SYNE1: variants seen among roughly 807,000 people sequenced by gnomAD.
SYNE1 encodes nesprin-1.
In SYNE1, 616 loss-of-function variants were observed where a neutral mutation model predicts 1,111.0. The observed-to-expected ratio is 0.55, with a 90% CI of 0.52 to 0.59. The LOEUF is 0.59. SYNE1 is among the 20% of genes least tolerant of loss of function. The probability of loss-of-function intolerance (pLI) is 0.00; values close to 1 mark genes in which losing one functional copy is unlikely to be tolerated. For missense variants in SYNE1, 10,006 were observed against 10,417.0 expected (o/e 0.96, Z 1.72); for synonymous variants, 3,855 against 3,825.8 (o/e 1.01, Z -0.28).
intron 3 of SYNE1, among the ~76,000 whole-genome samples, chr6:152,567,130 C>CT (rs1439708318): frequency 3.9e-5 from 6 of 151,926 alleles, no homozygotes; most frequent in African/African-American, 1.2e-4. Flanking sequence ...ATGCATTTGC[C>CT]TTTTTTTAGA....
intron 95 of SYNE1, 35 bp downstream of exon 95, chr6:152,293,553 A>G (rs1458087808): frequency 6.2e-7 from 1 of 1,613,032 alleles, no homozygotes; most frequent in South Asian, 1.1e-5. Flanking sequence ...GCCTTATTCA[A>G]TCAAGTAGGA....
In SYNE1 at chr6:152,331,132, C is replaced by T. The variant is rs148248006; in HGVS notation, c.13553G>A (p.Arg4518His). ...NEVTGLWAQG[R>H]ELMKEVTEQE... Reference sequence around the variant, plus strand: ...CTCTGTGACTTCCTTCATTAGTTCGCGACCCTGGGCCCAAAGTCCAGTGAC... The same window carrying T: ...CTCTGTGACTTCCTTCATTAGTTCGTGACCCTGGGCCCAAAGTCCAGTGAC... The change falls in exon 78 of 146, where the codon CGC becomes CAC. Residue 4518 changes from arginine (R) to histidine (H), a missense_variant. By Grantham distance (29) the Arg-to-His change is conservative. Coordinates refer to ENST00000367255, the MANE Select transcript of SYNE1 (RefSeq NM_182961.4). 22 of 1,614,090 alleles carry T rather than the reference C, an allele frequency of 1.4e-5. No individual in the cohort carries two copies. In the African/African-American group the frequency reaches 1.5e-4, roughly 11 times the overall value.
chr6:152,399,132 TG>T (rs2097775680), intron 48 of SYNE1, among the ~76,000 whole-genome samples: 1 of 152,212 alleles, frequency 6.6e-6, no homozygotes, highest in Non-Finnish European at 1.5e-5. Flanking sequence ...TGGGGAGTCA[TG>T]GTGGATCCAT....
chr6:152,192,302 T>C (rs559921925), intron 127 of SYNE1, among the ~76,000 whole-genome samples: 71 of 128,778 alleles, frequency 5.5e-4, no homozygotes, highest in Non-Finnish European at 9.6e-4. Context: ...TTTTTTTGTT[T>C]ATTTTCTGTC....
chr6:152,436,512 G>A (rs2098475840), intron 32 of SYNE1, among the ~76,000 whole-genome samples: 1 of 151,976 alleles, frequency 6.6e-6, no homozygotes, highest in African/African-American at 2.4e-5. Flanking sequence ...TGTTGCCCAA[G>A]CTGATCTTGA....
chr6:152,614,986 G>A (rs2099641795), intron 3 of SYNE1, among the ~76,000 whole-genome samples: 1 of 152,162 alleles, frequency 6.6e-6, no homozygotes, highest in Non-Finnish European at 1.5e-5. Context: ...GGGCCTGTCT[G>A]TGGGGGCTGG....
At chr6:152,341,478 G>A (rs1455645863) in intron 74 of SYNE1, among the ~76,000 whole-genome samples, 1 of 152,164 alleles carries the variant, frequency 6.6e-6, no homozygotes, top group African/African-American at 2.4e-5. Context: ...ATTCCCTAAA[G>A]TTCACATTTT....
At chr6:152,563,436 C>G (rs1003737713) in intron 3 of SYNE1, among the ~76,000 whole-genome samples, 4 of 151,898 alleles carry the variant, frequency 2.6e-5, no homozygotes, top group African/African-American at 9.7e-5. Flanking sequence ...TTCAGATGCA[C>G]TTTTGGTGAA....
chr6:152,614,567 C>CAATGTGG (rs1293011351), intron 3 of SYNE1, among the ~76,000 whole-genome samples: 2 of 152,138 alleles, frequency 1.3e-5, no homozygotes, highest in African/African-American at 4.8e-5. Flanking sequence ...TTGTGGAAGA[C>CAATGTGG]AATGTGGCGA....
At chr6:152,240,491 G>A (rs563239969) in intron 107 of SYNE1, among the ~76,000 whole-genome samples, 105 of 152,140 alleles carry the variant, frequency 6.9e-4, no homozygotes, top group Non-Finnish European at 4.0e-4. Context: ...TAGGCCTTGC[G>A]CCATCCTACT....
At chr6:152,523,148 C>T (rs2154351097) in intron 5 of SYNE1, among the ~76,000 whole-genome samples, 2 of 151,772 alleles carry the variant, frequency 1.3e-5, no homozygotes. Flanking sequence ...TAGAGATTTT[C>T]TTCTAGTTTT....
rs533927341 is a variant in SYNE1 at position 152,326,465 on chromosome 6, C to T, written c.15124G>A (p.Glu5042Lys). ...TCCAGGTTACTATGGAACTGATCCT[C>T]TGTACTGAAAAATTCCATGTGGCTT... The part of the protein sequence containing the change: ...LKSHMEFFST[E>K]DQFHSNLEEL... Residue 5042 changes from glutamate (E) to lysine (K), a missense_variant, in exon 79 of 146, where the codon GAG becomes AAG. By Grantham distance (56) the Glu-to-Lys change is moderately conservative. Around this residue, in one of 7 missense-constraint regions of SYNE1, gnomAD observed 4,955 missense variants for 5,017.2 expected, o/e 0.99. Coordinates refer to ENST00000367255, the MANE Select transcript of SYNE1 (RefSeq NM_182961.4). 2 of 1,614,176 alleles carry T rather than the reference C, an allele frequency of 1.2e-6. No homozygotes were observed. The highest frequency in any genetic ancestry group is 1.7e-6 in the Non-Finnish European group (2 of 1,180,044).
intron 104 of SYNE1, 105 bp downstream of exon 104, chr6:152,254,775 A>T: frequency 1.0e-6 from 1 of 990,946 alleles, no homozygotes; most frequent in Non-Finnish European, 1.5e-6. Flanking sequence ...GTTCTTCATT[A>T]CGCATTTAGA....
In SYNE1 at chr6:152,258,838, G is replaced by A. The variant is rs568885273; in HGVS notation, c.18973-2073C>T. ...TGGCACACTGCAACCTCTGCCTCCC[G>A]GGTTCAAGTGATTCTCCTGTCTCAG... On this transcript the variant is annotated intron_variant, in intron 101 of 145. Transcript: ENST00000367255. Among the ~76,000 whole-genome samples the A allele has an allele frequency of 9.9e-5, 15 of 151,328 alleles. No individual in the cohort carries two copies. The South Asian group carries it at 2.7e-3, about 27-fold the overall frequency.
intron 85 of SYNE1, 29 bp downstream of exon 85, chr6:152,318,834 G>GT (rs1589963344): frequency 6.2e-7 from 1 of 1,612,904 alleles, no homozygotes; most frequent in Middle Eastern, 1.7e-4. Context: ...AATTCATTCA[G>GT]TAGTACCCTT....
At chr6:152,243,404 G>T (rs2086267351) in intron 106 of SYNE1, among the ~76,000 whole-genome samples, 1 of 152,126 alleles carries the variant, frequency 6.6e-6, no homozygotes, top group South Asian at 2.1e-4. Context: ...TATTTAAACT[G>T]GAAAGACATT....
intron 14 of SYNE1, 87 bp from the exon 15 acceptor site, chr6:152,472,500 G>T: frequency 2.5e-6 from 3 of 1,205,398 alleles, no homozygotes; most frequent in Non-Finnish European, 3.6e-6. Flanking sequence ...GCACCGATGA[G>T]TCAATGTATT....
At chr6:152,614,755 C>T (rs1186427227) in intron 3 of SYNE1, among the ~76,000 whole-genome samples, 3 of 151,884 alleles carry the variant, frequency 2.0e-5, no homozygotes, top group African/African-American at 7.3e-5. Flanking sequence ...AATGATAGAC[C>T]GAATTAAGAA....
In SYNE1 at chr6:152,541,868, G is replaced by A. The variant is rs572610434; in HGVS notation, c.68-1847C>T. ...GTAATATGCTCACTAACCGGGTGAC[G>A]AGACCATTCATACACAAAACTCAGC... On this transcript the variant is annotated intron_variant, in intron 3 of 145. Transcript: ENST00000367255. 7.3e-5 allele frequency among the ~76,000 whole-genome samples: 11 copies of A among 151,442 alleles called. No homozygotes were observed. In the South Asian group the frequency reaches 8.4e-4, roughly 12 times the overall value.
Sources: gnomAD v4.1 joint callset for allele counts (sites outside exome capture counted in the v4.1 genomes callset) on GRCh38, gnomAD v4.1.1 for gene constraint, gnomAD v4.1.1 regional missense constraint, MANE v1.5 for transcripts, NCBI Gene and HGNC (gene_info 2026-07-23, HGNC 2026-07-21) for gene names.